BIN1: variants seen among roughly 807,000 people sequenced by gnomAD.
The protein encoded by BIN1 is myc box-dependent-interacting protein 1.
Under a neutral mutation model 82.0 loss-of-function variants are expected in BIN1, and 53 were observed. The observed-to-expected ratio is 0.65, with a 90% CI of 0.52 to 0.81. BIN1 has a LOEUF of 0.81. Ranked by LOEUF, BIN1 falls within the 40% of genes least tolerant of loss-of-function variation. BIN1 has a pLI of 0.00. For synonymous variants in BIN1, 302 were observed against 328.0 expected (o/e 0.92, Z 0.86); for missense variants, 642 against 784.4 (o/e 0.82, Z 2.17).
intron 7 of BIN1, among the ~76,000 whole-genome samples, chr2:127,065,936 G>A (rs890242813): frequency 6.6e-6 from 1 of 152,170 alleles, no homozygotes; most frequent in African/African-American, 2.4e-5. Context: ...AGGAGAGAGT[G>A]CCCCCACCCC....
chr2:127,081,620 C>T (rs1048574739), intron 1 of BIN1, among the ~76,000 whole-genome samples: 1 of 152,186 alleles, frequency 6.6e-6, no homozygotes, highest in Middle Eastern at 3.2e-3. Context: ...GTGAGGGCCG[C>T]GTTCCCAGTC....
intron 2 of BIN1, among the ~76,000 whole-genome samples, chr2:127,076,011 C>T (rs1004357933): frequency 1.3e-4 from 20 of 150,664 alleles, no homozygotes; most frequent in Non-Finnish European, 2.5e-4. Context: ...CCCAAATGCT[C>T]CCGGCCCTCT....
chr2:127,056,881 G>A (rs1683745497), intron 12 of BIN1, among the ~76,000 whole-genome samples: 1 of 152,252 alleles, frequency 6.6e-6, no homozygotes, highest in Non-Finnish European at 1.5e-5. Flanking sequence ...TGAGCCAAGA[G>A]CCCACTGGGA....
chr2:127,060,667 C>T, intron 10 of BIN1: 2 of 1,613,946 alleles, frequency 1.2e-6, no homozygotes, highest in East Asian at 4.5e-5. Context: ...GAGGTGGAGG[C>T]CTTCATTCTG....
chr2:127,071,639 CA>C (rs1050081794), intron 2 of BIN1, among the ~76,000 whole-genome samples: 1 of 152,104 alleles, frequency 6.6e-6, no homozygotes, highest in Admixed American at 6.5e-5. Flanking sequence ...GAGGGGTGAA[CA>C]ATAGGTGAGG....
chr2:127,075,501 A>G (rs367826377), intron 2 of BIN1, among the ~76,000 whole-genome samples: 2 of 152,194 alleles, frequency 1.3e-5, no homozygotes, highest in East Asian at 3.9e-4. Flanking sequence ...TCCCTGCCAC[A>G]GGGTCTACCT....
chr2:127,069,469 C>T (rs550156231), intron 5 of BIN1, among the ~76,000 whole-genome samples: 10 of 152,246 alleles, frequency 6.6e-5, no homozygotes, highest in South Asian at 2.1e-4. Flanking sequence ...TGCACGTTAC[C>T]GGGGACCACT....
intron 13 of BIN1, 196 bp from the exon 14 acceptor site, chr2:127,053,641 C>T: frequency 1.3e-6 from 1 of 789,180 alleles, no homozygotes; most frequent in Non-Finnish European, 2.2e-6. Flanking sequence ...GCTTCAAGAC[C>T]CCAAGCCAGG....
intron 1 of BIN1, among the ~76,000 whole-genome samples, chr2:127,092,038 C>T (rs534961275): frequency 2.0e-5 from 3 of 151,800 alleles, no homozygotes; most frequent in African/African-American, 7.3e-5. Context: ...CCTAGCCTTG[C>T]CCCTTCCCCA....
At chr2:127,051,534 G>C (rs577194360) in intron 15 of BIN1, among the ~76,000 whole-genome samples, 1 of 152,036 alleles carries the variant, frequency 6.6e-6, no homozygotes, top group Non-Finnish European at 1.5e-5. Context: ...CCCCAACCCC[G>C]CCTCACAGGC....
intron 11 of BIN1, among the ~76,000 whole-genome samples, 162 bp downstream of exon 11, chr2:127,058,849 A>G (rs1684055621): frequency 6.6e-6 from 1 of 151,962 alleles, no homozygotes; most frequent in African/African-American, 2.4e-5. Context: ...GGATGGGGGA[A>G]AGGAGACCCA....
intron 1 of BIN1, among the ~76,000 whole-genome samples, chr2:127,083,329 C>T (rs1163024001): frequency 1.3e-5 from 2 of 152,182 alleles, no homozygotes; most frequent in African/African-American, 4.8e-5. Flanking sequence ...ATCCTCCCAC[C>T]TCAGCACCCT....
At chr2:127,073,575 T>C (rs938884245) in intron 2 of BIN1, among the ~76,000 whole-genome samples, 1 of 152,112 alleles carries the variant, frequency 6.6e-6, no homozygotes, top group Non-Finnish European at 1.5e-5. Flanking sequence ...CCCAAGTCCC[T>C]GTGCTCCCAG....
rs898934603 is a variant in BIN1 at position 127,068,377 on chromosome 2, G to T, written c.520-122C>A. 1.4e-6 allele frequency: 1 copy of T among 719,802 alleles called. No homozygotes were observed. The highest frequency in any genetic ancestry group is 2.8e-5 in the East Asian group (1 of 35,844). The allele number at this position is 719,802 out of a possible 1,614,324, so 44.6% of individuals were successfully genotyped here. A position where few individuals can be genotyped will look rare whatever the true frequency, so the allele number is the denominator to read the frequency against. On this transcript the variant is annotated intron_variant, in intron 6 of 18. Transcript: ENST00000316724. This position sits in a 1 kb window ranked among gnomAD's most constrained non-coding sequence, Gnocchi z 4.9. ...CCACGCGCGGGGGCCACCCCAAGCA[G>T]ATATGGGCCCTTGAGGCCGAGAGAA...
At position 127,068,902 on chromosome 2, in the gene BIN1, C is replaced by T; in HGVS notation, c.519+22G>A. On this transcript the variant is annotated intron_variant, in intron 6 of 18. Transcript: ENST00000316724. The surrounding 1 kb of genome is among the most constrained non-coding windows in gnomAD (Gnocchi z 4.9). Reference sequence around the variant, plus strand: ...CTCTCAGCCCCCTGCAGACGCTGCCCCGACCCGCCTCCAGCCCTTACCTTG... The same window carrying T: ...CTCTCAGCCCCCTGCAGACGCTGCCTCGACCCGCCTCCAGCCCTTACCTTG... The T allele has an allele frequency of 6.2e-7, 1 of 1,606,950 alleles. No individual in the cohort carries two copies. Among genetic ancestry groups the T allele is most frequent in the Non-Finnish European group, 8.5e-7 (1 of 1,173,672 alleles).
At chr2:127,081,842 A>G in intron 1 of BIN1, 4 of 1,287,656 alleles carry the variant, frequency 3.1e-6, no homozygotes, top group Non-Finnish European at 4.0e-6. Flanking sequence ...CTTCCGCATC[A>G]TCTCCTCCCC....
chr2:127,057,612 G>A lies in BIN1; in HGVS notation c.1003-11C>T. 6.6e-7 allele frequency: 1 copy of A among 1,515,906 alleles called. No individual in the cohort carries two copies. 93.9% of individuals were successfully genotyped at this position (1,515,906 alleles called of 1,614,324 possible). On this transcript the variant is annotated splice_polypyrimidine_tract_variant and intron_variant, in intron 11 of 18. Coordinates refer to ENST00000316724, the MANE Select transcript of BIN1 (RefSeq NM_139343.3). The surrounding 1 kb of genome is among the most constrained non-coding windows in gnomAD (Gnocchi z 5.0). Reference sequence around the variant, plus strand: ...TGGGCCTTTCCGGAGCTGTGGGTCGGCGGCGGGTGAGGGGCCGCGCGGGAA... The same window carrying A: ...TGGGCCTTTCCGGAGCTGTGGGTCGACGGCGGGTGAGGGGCCGCGCGGGAA...
intron 14 of BIN1, chr2:127,052,856 A>C: frequency 4.2e-6 from 1 of 240,922 alleles, no homozygotes; most frequent in Admixed American, 5.0e-5. Flanking sequence ...GCCTTCCCTG[A>C]GCCTCTGTGT....
chr2:127,070,478 G>T, intron 4 of BIN1, 75 bp downstream of exon 4: 1 of 1,547,684 alleles, frequency 6.5e-7, no homozygotes, highest in South Asian at 1.1e-5. Flanking sequence ...TGTCCCAGAG[G>T]GCACGGCAGA....
Sources: gnomAD v4.1 joint callset for allele counts (sites outside exome capture counted in the v4.1 genomes callset) on GRCh38, gnomAD v4.1.1 for gene constraint, Gnocchi (gnomAD v3.1) non-coding constraint, MANE v1.5 for transcripts, NCBI Gene and HGNC (gene_info 2026-07-23, HGNC 2026-07-21) for gene names.